The following SPNS3 variants were observed in gnomAD, a reference collection of about 807,000 sequenced individuals.
The protein encoded by SPNS3 is protein spinster homolog 3.
A neutral mutation model predicts 54.4 loss-of-function variants in SPNS3; 51 were observed. The ratio of observed to expected loss-of-function variants is 0.94; its 90% CI spans 0.75 to 1.18. SPNS3 has a LOEUF of 1.18. Among genes scored for constraint, SPNS3 ranks in the 50% most tolerant of loss-of-function variants. The pLI, the probability that SPNS3 is intolerant of heterozygous loss-of-function variation, is 0.00. For synonymous variants in SPNS3, 309 were observed against 294.7 expected (o/e 1.05, Z -0.50); for missense variants, 669 against 677.4 (o/e 0.99, Z 0.14).
In SPNS3 at chr17:4,483,515, G is replaced by A. The variant is rs1972229314; in HGVS notation, c.1180-2713G>A. The A allele has an allele frequency of 2.0e-5, 3 of 152,210 alleles. No homozygotes were observed. In the South Asian group the frequency reaches 6.2e-4, roughly 32 times the overall value. 9.4% of individuals were successfully genotyped at this position (152,210 alleles called of 1,614,324 possible). ...GCAGGTTGGGGTTCCTGGGAGAGGA[G>A]GAAGGGGCCAGCCTACCTGGACCTA... is the stretch of plus-strand genomic sequence containing the variant. On this transcript the variant is annotated intron_variant, in intron 9 of 11. Transcript: ENST00000355530. The surrounding 1 kb of genome is among the most constrained non-coding windows in gnomAD (Gnocchi z 4.2).
intron 8 of SPNS3, among the ~76,000 whole-genome samples, chr17:4,473,534 C>T (rs1380522307): frequency 1.3e-5 from 2 of 151,822 alleles, no homozygotes; most frequent in African/African-American, 4.8e-5. Flanking sequence ...ATTACAGGCA[C>T]CCGCCGCCAC....
chr17:4,486,969 C>T lies in SPNS3; in HGVS notation c.1450+386C>T, dbSNP rs915558892. Among the ~76,000 whole-genome samples the T allele has an allele frequency of 6.6e-6, 1 of 151,850 alleles. No individual in the cohort carries two copies. The highest frequency in any genetic ancestry group is 2.4e-5 in the African/African-American group (1 of 41,298). On this transcript the variant is annotated intron_variant, in intron 11 of 11. Coordinates refer to ENST00000355530, the MANE Select transcript of SPNS3 (RefSeq NM_182538.5). This position sits in a 1 kb window ranked among gnomAD's most constrained non-coding sequence, Gnocchi z 5.5. ...CGGGCGGATTACAAGGTTAGGAGTT[C>T]AAGACCAGCCTGGGCAACATGGTGA...
chr17:4,479,023 A>G (rs1972087090), intron 9 of SPNS3, among the ~76,000 whole-genome samples: 1 of 152,138 alleles, frequency 6.6e-6, no homozygotes, highest in Non-Finnish European at 1.5e-5. Flanking sequence ...GCTCACTGCA[A>G]CGTCTGCCTC....
intron 6 of SPNS3, 114 bp from the exon 7 acceptor site, chr17:4,449,121 A>C (rs748879159): frequency 1.4e-4 from 169 of 1,210,008 alleles, no homozygotes; most frequent in Non-Finnish European, 1.8e-4. Context: ...GGAATCTTGA[A>C]GGTAATGAGA....
chr17:4,483,640 T>C lies in SPNS3; in HGVS notation c.1180-2588T>C, dbSNP rs533789939. 6.6e-6 allele frequency: 1 copy of C among 152,348 alleles called. No individual in the cohort carries two copies. The highest frequency in any genetic ancestry group is 1.9e-4 in the East Asian group (1 of 5,186). 9.4% of individuals were successfully genotyped at this position (152,348 alleles called of 1,614,324 possible). The stretch of plus-strand genomic sequence containing the variant: ...TCACCTGCCTTCCCAGAGCCACCAG[T>C]GAGTAATCACATAATTATGGGGTGA... On this transcript the variant is annotated intron_variant, in intron 9 of 11. Coordinates refer to ENST00000355530, the MANE Select transcript of SPNS3 (RefSeq NM_182538.5). This position sits in a 1 kb window ranked among gnomAD's most constrained non-coding sequence, Gnocchi z 4.2.
At chr17:4,467,365 T>C (rs1165372172) in intron 8 of SPNS3, among the ~76,000 whole-genome samples, 1 of 152,114 alleles carries the variant, frequency 6.6e-6, no homozygotes, top group East Asian at 1.9e-4. Context: ...TTATTTCTGA[T>C]TCTGTGGCCT....
rs375079167 is a variant in SPNS3 at position 4,446,929 on chromosome 17, G to T, written c.588G>T (p.Thr196=). ...GLGYVLGSAV[T]MLTGNWRWAL... ...GCTACGTGCTGGGGTCGGCTGTGAC[G>T]ATGCTGACTGGGAACTGGCGCTGGG... is the stretch of plus-strand genomic sequence containing the variant. Residue 196 remains threonine (T), a synonymous_variant, in exon 5 of 12, where the codon ACG becomes ACT. Coordinates refer to ENST00000355530, the MANE Select transcript of SPNS3 (RefSeq NM_182538.5). 1 of 1,614,136 alleles carries T rather than the reference G, an allele frequency of 6.2e-7. No homozygotes were observed. Among genetic ancestry groups the T allele is most frequent in the Admixed American group, 1.7e-5 (1 of 60,022 alleles).
intron 8 of SPNS3, among the ~76,000 whole-genome samples, chr17:4,454,922 C>CT (rs35746719): frequency 0.84 from 123,222 of 147,092 alleles, 52,374 homozygotes; most frequent in Non-Finnish European, 0.88. Flanking sequence ...TGCACCCAGC[C>CT]TTTTTTTTTG....
chr17:4,448,830 T>C (rs1971075785), intron 6 of SPNS3, among the ~76,000 whole-genome samples: 1 of 152,058 alleles, frequency 6.6e-6, no homozygotes, highest in Non-Finnish European at 1.5e-5. Context: ...GTGAAACTGG[T>C]CGGGAGGACT....
Position 4,449,304 on chromosome 17 carries a change from G to A in SPNS3, c.840G>A (p.Trp280Ter). 1 of 1,612,542 alleles carries A rather than the reference G, an allele frequency of 6.2e-7. No individual in the cohort carries two copies. Among genetic ancestry groups the A allele is most frequent in the East Asian group, 2.2e-5 (1 of 44,854 alleles). ...TTGTGACTGGAGCCCTGGGGTTCTG[G>A]GCCCCCAAGTTTCTGCTCGAGGCAC... ...MAFVTGALGF[W>*]APKFLLEARV... Residue 280 changes from tryptophan to a stop codon, truncating the protein, a stop_gained, in exon 7 of 12, where the codon TGG becomes TGA. Coordinates refer to ENST00000355530, the MANE Select transcript of SPNS3 (RefSeq NM_182538.5). LOFTEE classifies it high-confidence loss of function.
chr17:4,434,693 G>A (rs937153143), intron 1 of SPNS3, among the ~76,000 whole-genome samples: 2 of 151,234 alleles, frequency 1.3e-5, no homozygotes, highest in African/African-American at 2.4e-5. Context: ...GGAGGAGTAG[G>A]GACGGGGTTT....
intron 8 of SPNS3, among the ~76,000 whole-genome samples, chr17:4,471,923 A>G (rs1250712897): frequency 1.3e-5 from 2 of 151,892 alleles, no homozygotes; most frequent in Non-Finnish European, 2.9e-5. Context: ...CAGTGGCACA[A>G]TCTCAGCTCT....
At chr17:4,458,588 CCTTTCTTTCTTTCTTTCTTT>C (rs1188233610) in intron 8 of SPNS3, among the ~76,000 whole-genome samples, 20 of 59,332 alleles carry the variant, frequency 3.4e-4, no homozygotes, top group Admixed American at 1.1e-3. Flanking sequence ...TTCCTTCCCT[CCTTTCTTTCTTTCTTTCTTT>C]CTTTCTTTCT....
Position 4,487,873 on chromosome 17 carries a change from C to G in SPNS3, c.1518C>G (p.Gly506=), listed in dbSNP as rs776131800. 6.2e-7 allele frequency: 1 copy of G among 1,614,028 alleles called. No homozygotes were observed. Among genetic ancestry groups the G allele is most frequent in the Admixed American group, 1.7e-5 (1 of 60,036 alleles). The change falls in exon 12 of 12, where the codon GGC becomes GGG. Residue 506 remains glycine, a synonymous_variant. Coordinates refer to ENST00000355530, the MANE Select transcript of SPNS3 (RefSeq NM_182538.5). ...LERQGLLSGA[G]ASTEEP Reference sequence around the variant, plus strand: ...GACAAGGCCTACTTTCGGGCGCTGGCGCCTCTACAGAGGAGCCCTGAGGTC... The same window carrying G: ...GACAAGGCCTACTTTCGGGCGCTGGGGCCTCTACAGAGGAGCCCTGAGGTC...
At chr17:4,475,993 G>C (rs371326993) in intron 8 of SPNS3, among the ~76,000 whole-genome samples, 1 of 152,166 alleles carries the variant, frequency 6.6e-6, no homozygotes. Context: ...GCACCCTGGC[G>C]TCGTACCGTT....
intron 8 of SPNS3, among the ~76,000 whole-genome samples, chr17:4,456,690 GT>G (rs1457111481): frequency 1.3e-5 from 2 of 149,666 alleles, no homozygotes; most frequent in Non-Finnish European, 3.0e-5. Context: ...TAATTGTTGT[GT>G]TTTTTGGTTT....
Position 4,443,952 on chromosome 17 carries a change from T to G in SPNS3, c.266-1080T>G, listed in dbSNP as rs1248892879. On this transcript the variant is annotated intron_variant, in intron 2 of 11. Coordinates refer to ENST00000355530, the MANE Select transcript of SPNS3 (RefSeq NM_182538.5). ...CCCGTCTGTGCAAAAACTACAAAAATTAGCCAGGTGTGGTGGTACTTGCCT... is the reference window on the plus strand; with the variant it reads ...CCCGTCTGTGCAAAAACTACAAAAAGTAGCCAGGTGTGGTGGTACTTGCCT... Among the ~76,000 whole-genome samples the G allele has an allele frequency of 4.6e-5, 7 of 152,130 alleles. No homozygotes were observed. In the East Asian group the frequency reaches 1.4e-3, roughly 30 times the overall value.
At chr17:4,454,062 C>T (rs1472778449) in intron 8 of SPNS3, among the ~76,000 whole-genome samples, 1 of 152,202 alleles carries the variant, frequency 6.6e-6, no homozygotes, top group African/African-American at 2.4e-5. Context: ...TTCTGCAAGA[C>T]TCAACTCAAA....
chr17:4,473,480 C>T (rs567658026), intron 8 of SPNS3, among the ~76,000 whole-genome samples: 160 of 151,944 alleles, frequency 1.1e-3, no homozygotes, highest in Non-Finnish European at 1.9e-3. Flanking sequence ...CTCCACCTCC[C>T]GGGCACAAGT....
Sources: allele counts gnomAD v4.1 joint callset (sites outside exome capture counted in the v4.1 genomes callset), GRCh38; gene constraint gnomAD v4.1.1; non-coding constraint Gnocchi (gnomAD v3.1); transcripts MANE v1.5; gene names NCBI Gene and HGNC (gene_info 2026-07-23, HGNC 2026-07-21).